MARCHF8: variants seen among roughly 807,000 people sequenced by gnomAD.
MARCHF8 encodes the protein membrane associated ring-CH-type finger 8.
In MARCHF8, 40 loss-of-function variants were observed where a neutral mutation model predicts 51.6. That is an observed-to-expected ratio of 0.77 (90% confidence interval 0.60 to 1.01). The LOEUF is 1.01. MARCHF8 is among the 50% of genes least tolerant of loss of function. The probability of loss-of-function intolerance (pLI) is 0.00; values close to 1 mark genes in which losing one functional copy is unlikely to be tolerated. For missense variants in MARCHF8, 685 were observed against 708.6 expected (o/e 0.97, Z 0.38); for synonymous variants, 263 against 280.3 (o/e 0.94, Z 0.62).
chr10:45,535,590 C>T (rs1174419062), upstream of MARCHF8, among the ~76,000 whole-genome samples: 1 of 152,148 alleles, frequency 6.6e-6, no homozygotes, highest in Non-Finnish European at 1.5e-5. Context: ...ATAAGTTTGC[C>T]TGAAACAATC....
intron 7 of MARCHF8, 124 bp downstream of exon 7, chr10:45,458,996 C>A: frequency 8.0e-7 from 1 of 1,251,740 alleles, no homozygotes; most frequent in Non-Finnish European, 1.1e-6. Flanking sequence ...GCTAGTGCCT[C>A]CTAACTGATG....
At chr10:45,464,359 G>A in intron 3 of MARCHF8, 32 bp from the exon 4 acceptor site, 4 of 1,591,680 alleles carry the variant, frequency 2.5e-6, no homozygotes, top group East Asian at 4.5e-5. Context: ...CAGTGTTCAG[G>A]TAAGAGCCAA....
At chr10:45,501,466 G>C (rs1364102269) in intron 2 of MARCHF8, among the ~76,000 whole-genome samples, 3 of 152,106 alleles carry the variant, frequency 2.0e-5, no homozygotes, top group Non-Finnish European at 4.4e-5. Flanking sequence ...AATGAACTTT[G>C]ACTTGAGTCT....
chr10:45,530,475 A>C (rs1179193294), intron 2 of MARCHF8, among the ~76,000 whole-genome samples: 2 of 152,224 alleles, frequency 1.3e-5, no homozygotes, highest in Non-Finnish European at 2.9e-5. Context: ...AGTCTGAAAT[A>C]AACTTTTACT....
intron 3 of MARCHF8, among the ~76,000 whole-genome samples, chr10:45,480,359 T>C (rs989217062): frequency 4.6e-5 from 7 of 152,142 alleles, no homozygotes; most frequent in African/African-American, 1.7e-4. Context: ...GTGTGGAAAT[T>C]TGCCTAAGTA....
At chr10:45,502,010 G>A (rs71494797) in intron 2 of MARCHF8, among the ~76,000 whole-genome samples, 9,371 of 151,962 alleles carry the variant, frequency 0.062, 330 homozygotes, top group Non-Finnish European at 0.067. Context: ...AGGATATAAA[G>A]AAACTAGATC....
chr10:45,478,046 C>CA (rs1282253392), intron 3 of MARCHF8, among the ~76,000 whole-genome samples: 1 of 152,170 alleles, frequency 6.6e-6, no homozygotes, highest in African/African-American at 2.4e-5. Context: ...ATTTAAACTG[C>CA]ACGTTAGGAC....
At position 45,463,907 on chromosome 10, in the gene MARCHF8, G is replaced by A. The variant is rs1254140833; in HGVS notation, c.332C>T (p.Thr111Ile). 1.3e-6 allele frequency: 2 copies of A among 1,536,550 alleles called. No homozygotes were observed. Among genetic ancestry groups the A allele is most frequent in the African/African-American group, 2.7e-5 (2 of 73,178 alleles). The stretch of plus-strand genomic sequence containing the variant: ...GATAACTGTCACAGTGAGCCCTTGT[G>A]TCAGAGAACTCTGGCAGTGAGGAGC... ...SKAPHCQSSL[T>I]QGLTVTVICK... is the part of the protein sequence containing the mutation. The change falls in exon 5 of 8, where the codon ACA becomes ATA. Residue 111 changes from threonine (T) to isoleucine (I), a missense_variant. Thr to Ile is a moderately conservative substitution (Grantham distance 89). Transcript: ENST00000453424.
upstream of MARCHF8, among the ~76,000 whole-genome samples, chr10:45,536,592 A>G (rs375170099): frequency 1.0e-4 from 14 of 137,192 alleles, no homozygotes; most frequent in East Asian, 2.8e-3. Context: ...TATAAATGTT[A>G]AAAAAAAAAA....
intron 3 of MARCHF8, among the ~76,000 whole-genome samples, chr10:45,469,471 A>G (rs1315376894): frequency 6.6e-6 from 1 of 152,222 alleles, no homozygotes; most frequent in Non-Finnish European, 1.5e-5. Context: ...GTACAATAAA[A>G]TAGAATATGT....
chr10:45,569,313 G>C (rs2044403035), intron 1 of MARCHF8, among the ~76,000 whole-genome samples: 1 of 152,038 alleles, frequency 6.6e-6, no homozygotes, highest in Non-Finnish European at 1.5e-5. Context: ...AACATAAAGA[G>C]ATGTTAAATT....
At chr10:45,494,915 T>A (rs867442030) in intron 2 of MARCHF8, among the ~76,000 whole-genome samples, 1 of 151,850 alleles carries the variant, frequency 6.6e-6, no homozygotes, top group Non-Finnish European at 1.5e-5. Context: ...AGGTCAGGAG[T>A]TCGAGACCAG....
At chr10:45,566,409 C>T (rs1467198664) in intron 1 of MARCHF8, among the ~76,000 whole-genome samples, 1 of 152,068 alleles carries the variant, frequency 6.6e-6, no homozygotes, top group East Asian at 1.9e-4. Flanking sequence ...TCCTACTTTC[C>T]CTTCAGCACC....
intron 1 of MARCHF8, among the ~76,000 whole-genome samples, chr10:45,548,130 C>A (rs2133329174): frequency 6.6e-6 from 1 of 152,274 alleles, no homozygotes; most frequent in Non-Finnish European, 1.5e-5. Context: ...TGGATGGATT[C>A]AAGGTGTGCC....
intron 2 of MARCHF8, among the ~76,000 whole-genome samples, chr10:45,503,601 C>A (rs1424749533): frequency 6.7e-6 from 1 of 149,984 alleles, no homozygotes; most frequent in Non-Finnish European, 1.5e-5. Flanking sequence ...AAAAAACAAC[C>A]AATTATATGC....
intron 1 of MARCHF8, among the ~76,000 whole-genome samples, chr10:45,588,654 G>C (rs1009347135): frequency 3.3e-5 from 5 of 152,080 alleles, no homozygotes; most frequent in Admixed American, 3.3e-4. Flanking sequence ...CTCAATAAAT[G>C]TATCATTGAC....
chr10:45,465,344 T>C (rs1842934302), intron 3 of MARCHF8, among the ~76,000 whole-genome samples: 1 of 152,144 alleles, frequency 6.6e-6, no homozygotes, highest in African/African-American at 2.4e-5. Flanking sequence ...AGAAAGGCCA[T>C]ATCACCACCC....
intron 1 of MARCHF8, among the ~76,000 whole-genome samples, chr10:45,564,252 C>A (rs1260799939): frequency 6.6e-6 from 1 of 152,116 alleles, no homozygotes. Context: ...CCAGCCTGGG[C>A]AACAGAGTGA....
intron 1 of MARCHF8, among the ~76,000 whole-genome samples, chr10:45,540,859 C>T (rs2044042426): frequency 6.6e-6 from 1 of 152,156 alleles, no homozygotes; most frequent in Non-Finnish European, 1.5e-5. Flanking sequence ...CAAATCAAAA[C>T]CACAATGAGA....
Sources: allele counts gnomAD v4.1 joint callset (sites outside exome capture counted in the v4.1 genomes callset), GRCh38; gene constraint gnomAD v4.1.1; transcripts MANE v1.5; gene names NCBI Gene and HGNC (gene_info 2026-07-23, HGNC 2026-07-21).